Variants in B9D1 observed in about 807,000 individuals in gnomAD.
B9D1 encodes the protein B9 domain containing 1.
In B9D1, 20 loss-of-function variants were observed where a neutral mutation model predicts 26.1. The ratio of observed to expected loss-of-function variants is 0.77; its 90% CI spans 0.54 to 1.12. B9D1 has a LOEUF of 1.12. Among genes scored for constraint, B9D1 ranks in the 50% most tolerant of loss-of-function variants. B9D1 has a pLI of 0.00. For missense variants in B9D1, 260 were observed against 273.7 expected (o/e 0.95, Z 0.35); for synonymous variants, 105 against 103.1 (o/e 1.02, Z -0.11).
downstream of B9D1, chr17:19,341,011 G>T: frequency 1.7e-6 from 1 of 600,542 alleles, no homozygotes; most frequent in Non-Finnish European, 2.3e-6. Flanking sequence ...TACAAGTACG[G>T]AACAGGAAAT....
At chr17:19,339,213 CTAATT>C (rs1907702033), downstream of B9D1, among the ~76,000 whole-genome samples, 1 of 152,158 alleles carries the variant, frequency 6.6e-6, no homozygotes, top group Non-Finnish European at 1.5e-5. Context: ...CCTTTTGATG[CTAATT>C]TTTTTTAGAT....
At chr17:19,341,448 C>CA, downstream of B9D1, 1 of 578,582 alleles carries the variant, frequency 1.7e-6, no homozygotes, top group Non-Finnish European at 2.5e-6. Context: ...TAGGAAAACT[C>CA]ACGATGGAGG....
Position 19,372,612 on chromosome 17 carries a change from C to T in B9D1, c.-298+5247G>A, listed in dbSNP as rs1911948236. 6.6e-6 allele frequency among the ~76,000 whole-genome samples: 1 copy of T among 152,220 alleles called. No individual in the cohort carries two copies. On this transcript the variant is annotated intron_variant, in intron 1 of 5. Coordinates refer to the B9D1 transcript ENST00000477478. This position sits in a 1 kb window ranked among gnomAD's most constrained non-coding sequence, Gnocchi z 4.4. ...TTCTTAGCTCCCCAGGGCCGGCCCCCCATCTCGGTGCCTGTCACAGATTTC... is the reference window on the plus strand; with the variant it reads ...TTCTTAGCTCCCCAGGGCCGGCCCCTCATCTCGGTGCCTGTCACAGATTTC...
intron 3 of B9D1, among the ~76,000 whole-genome samples, chr17:19,351,460 A>G (rs1284236020): frequency 1.3e-5 from 2 of 152,132 alleles, no homozygotes; most frequent in Non-Finnish European, 2.9e-5. Flanking sequence ...CTTCTTTTTA[A>G]TGTCCTCAGC....
At chr17:19,341,819 G>A (rs900241008), downstream of B9D1, among the ~76,000 whole-genome samples, 3 of 152,212 alleles carry the variant, frequency 2.0e-5, no homozygotes, top group Non-Finnish European at 2.9e-5. Context: ...ACTATGGGAA[G>A]TGCATGCAGA....
At chr17:19,340,033 A>AACC (rs1907774483), downstream of B9D1, among the ~76,000 whole-genome samples, 4 of 110,592 alleles carry the variant, frequency 3.6e-5, no homozygotes, top group African/African-American at 1.0e-4. Context: ...CACATGCCCA[A>AACC]CCCCCCCCCC....
At chr17:19,362,805 G>A, upstream of B9D1, 2 of 1,272,428 alleles carry the variant, frequency 1.6e-6, no homozygotes, top group Non-Finnish European at 2.2e-6. Context: ...CCCCTCCTTA[G>A]GGCAGGTATG....
chr17:19,377,715 G>T, intron 1 of B9D1: 1 of 433,686 alleles, frequency 2.3e-6, no homozygotes, highest in Non-Finnish European at 3.1e-6. Flanking sequence ...TTTGGGGTGG[G>T]TCGGGACAGC....
At position 19,359,658 on chromosome 17, in the gene B9D1, C is replaced by G. The variant is rs879797395; in HGVS notation, c.132+662G>C. Among the ~76,000 whole-genome samples, 2 of 152,150 alleles carry G rather than the reference C, an allele frequency of 1.3e-5. No individual in the cohort carries two copies. Among genetic ancestry groups the G allele is most frequent in the African/African-American group, 4.8e-5 (2 of 41,430 alleles). ...GACCCCCCAGCAAGAACGTGCGCTC[C>G]GGGAAGGCAGGGTCTTCTGGTTTGG... On this transcript the variant is annotated intron_variant, in intron 2 of 6. Coordinates refer to ENST00000261499, the MANE Select transcript of B9D1 (RefSeq NM_015681.6). This position sits in a 1 kb window ranked among gnomAD's most constrained non-coding sequence, Gnocchi z 5.0.
chr17:19,360,142 G>A (rs541293336), intron 2 of B9D1, among the ~76,000 whole-genome samples, 178 bp downstream of exon 2: 1 of 152,350 alleles, frequency 6.6e-6, no homozygotes, highest in East Asian at 1.9e-4. Context: ...ATGGATCAGG[G>A]AGTCCAACCA....
At chr17:19,375,275 G>C (rs1315842547) in intron 1 of B9D1, among the ~76,000 whole-genome samples, 1 of 150,848 alleles carries the variant, frequency 6.6e-6, no homozygotes. Flanking sequence ...GGGCTGGAGT[G>C]AAACCCTGTC....
At chr17:19,337,931 G>C (rs1907586472), downstream of B9D1, among the ~76,000 whole-genome samples, 1 of 152,206 alleles carries the variant, frequency 6.6e-6, no homozygotes, top group South Asian at 2.1e-4. Flanking sequence ...GGGGAAATGG[G>C]CTTGGTTAAC....
At chr17:19,346,011 C>A (rs966195080) in intron 5 of B9D1, among the ~76,000 whole-genome samples, 1 of 152,350 alleles carries the variant, frequency 6.6e-6, no homozygotes, top group Admixed American at 6.5e-5. Flanking sequence ...CTTTCCTCAG[C>A]GAGCTGTCCC....
At chr17:19,341,057 G>C (rs1360600426), downstream of B9D1, 1 of 1,111,512 alleles carries the variant, frequency 9.0e-7, no homozygotes, top group African/African-American at 1.6e-5. Flanking sequence ...GGTATGTGGT[G>C]TTCACTGTAA....
At chr17:19,362,737 A>G (rs1911310648), upstream of B9D1, 1 of 1,377,100 alleles carries the variant, frequency 7.3e-7, no homozygotes, top group Non-Finnish European at 9.6e-7. Flanking sequence ...GGCGCAGTGA[A>G]CGGGCGCCGT....
chr17:19,362,782 C>G, upstream of B9D1: 2 of 1,419,682 alleles, frequency 1.4e-6, no homozygotes, highest in Non-Finnish European at 1.9e-6. Flanking sequence ...CGGGGATCCA[C>G]GCCGAGGCTC....
chr17:19,352,779 C>A (rs539343926), intron 3 of B9D1, among the ~76,000 whole-genome samples: 321 of 152,168 alleles, frequency 2.1e-3, no homozygotes, highest in African/African-American at 7.1e-3. Context: ...CCTTGGCCTC[C>A]CAAAGTACTG....
rs75213651 is a variant in B9D1 at position 19,372,568 on chromosome 17, G to C, written c.-298+5291C>G. 3.0e-4 allele frequency among the ~76,000 whole-genome samples: 46 copies of C among 152,148 alleles called. No homozygotes were observed. In the East Asian group the frequency reaches 8.3e-3, roughly 28 times the overall value. On this transcript the variant is annotated intron_variant, in intron 1 of 5. Transcript: ENST00000477478. The surrounding 1 kb of genome is among the most constrained non-coding windows in gnomAD (Gnocchi z 4.4). ...TTCCAGGGCCCCTTCCCGACTTCCT[G>C]TGCTGGGCAAAGGGCCCATTCTTAG...
Position 19,347,439 on chromosome 17 carries a change from G to T in B9D1, c.342-108C>A. 7.5e-7 allele frequency: 1 copy of T among 1,330,814 alleles called. No homozygotes were observed. The highest frequency in any genetic ancestry group is 1.1e-6 in the Non-Finnish European group (1 of 934,278). The allele number at this position is 1,330,814 out of a possible 1,614,324, so 82.4% of individuals were successfully genotyped here. On this transcript the variant is annotated intron_variant, in intron 4 of 6. Transcript: ENST00000261499. This position sits in a 1 kb window ranked among gnomAD's most constrained non-coding sequence, Gnocchi z 4.3. ...CCAGTGCAGCTGCAGCGTGGGCCAA[G>T]TCAGGGCCAATGTCAACGAATCCAA...
Sources: allele counts gnomAD v4.1 joint callset (sites outside exome capture counted in the v4.1 genomes callset), GRCh38; gene constraint gnomAD v4.1.1; non-coding constraint Gnocchi (gnomAD v3.1); transcripts MANE v1.5; gene names NCBI Gene and HGNC (gene_info 2026-07-23, HGNC 2026-07-21).